Variants in CHLSN observed in about 807,000 individuals in gnomAD.
CHLSN encodes protein cholesin.
the CHLSN span, chr7:1,087,308 A>T: frequency 6.6e-6 from 1 of 152,242 alleles, no homozygotes; most frequent in Non-Finnish European, 1.5e-5. Flanking sequence ...TAACACTCAG[A>T]GAAAACTACC....
the CHLSN span, among the ~76,000 whole-genome samples, chr7:1,136,125 T>TAC: frequency 1.2e-5 from 1 of 82,242 alleles, no homozygotes; most frequent in African/African-American, 4.6e-5. Context: ...CATAAATATA[T>TAC]ATAAATATAT....
the CHLSN span, chr7:1,138,186 T>TACCTGCGCCC: frequency 7.2e-5 from 11 of 151,898 alleles, no homozygotes; most frequent in South Asian, 4.0e-4. Flanking sequence ...CCCACGCGCC[T>TACCTGCGCCC]ACCTGCGCCC....
the CHLSN span, chr7:988,475 C>T: frequency 1.1e-5 from 17 of 1,605,548 alleles, no homozygotes; most frequent in African/African-American, 9.4e-5. Flanking sequence ...AGGGGTGGGA[C>T]GGCCCCAGCT....
the CHLSN span, among the ~76,000 whole-genome samples, chr7:978,451 C>G: frequency 6.6e-6 from 1 of 152,054 alleles, no homozygotes; most frequent in Non-Finnish European, 1.5e-5. Flanking sequence ...CCTGGGAGGT[C>G]GAGGCTGCAG....
chr7:1,020,668 G>A, the CHLSN span, among the ~76,000 whole-genome samples: 1 of 152,206 alleles, frequency 6.6e-6, no homozygotes, highest in Non-Finnish European at 1.5e-5. Context: ...CACCTCCCGA[G>A]CAGGGAGGAC....
chr7:1,064,275 G>A, the CHLSN span, among the ~76,000 whole-genome samples: 1 of 152,192 alleles, frequency 6.6e-6, no homozygotes, highest in Non-Finnish European at 1.5e-5. Flanking sequence ...TGAAGATGGG[G>A]AGACCAGGCC....
At chr7:1,112,347 G>A in the CHLSN span, among the ~76,000 whole-genome samples, 691 of 152,352 alleles carry the variant, frequency 4.5e-3, 6 homozygotes, top group Non-Finnish European at 7.6e-3. Flanking sequence ...GGCCGGCCGG[G>A]AGCCCAGTGC....
the CHLSN span, among the ~76,000 whole-genome samples, chr7:1,080,331 G>A: frequency 2.2e-4 from 34 of 152,256 alleles, no homozygotes; most frequent in Non-Finnish European, 4.0e-4. Context: ...GACACAGACC[G>A]CGGCACAGCC....
chr7:986,592 C>T, the CHLSN span: 1 of 1,610,674 alleles, frequency 6.2e-7, no homozygotes, highest in Admixed American at 1.7e-5. Context: ...GGGGCTGCGT[C>T]CTTATCTCCG....
At chr7:1,000,274 A>G in the CHLSN span, among the ~76,000 whole-genome samples, 779 of 138,366 alleles carry the variant, frequency 5.6e-3, 33 homozygotes, top group African/African-American at 0.021. Context: ...CTCAGCCCCC[A>G]GGAGACGTGC....
At chr7:995,669 C>T in the CHLSN span, among the ~76,000 whole-genome samples, 1 of 152,266 alleles carries the variant, frequency 6.6e-6, no homozygotes, top group Admixed American at 6.5e-5. Flanking sequence ...CAAAGCTGTG[C>T]TGCCAGCAGC....
the CHLSN span, among the ~76,000 whole-genome samples, chr7:992,973 C>T: frequency 2.6e-5 from 4 of 152,158 alleles, no homozygotes; most frequent in Admixed American, 6.5e-5. Context: ...CAGAGTGCAT[C>T]GGGTAGCTCC....
chr7:1,091,577 A>G, the CHLSN span: 5 of 679,302 alleles, frequency 7.4e-6, no homozygotes, highest in Non-Finnish European at 1.0e-5. Context: ...AACCCAAACC[A>G]CCACAGGTGC....
At chr7:984,591 C>T in the CHLSN span, 132 of 1,554,474 alleles carry the variant, frequency 8.5e-5, no homozygotes, top group Non-Finnish European at 1.1e-4. Context: ...GTGTGGCCGG[C>T]GCTACGGGGC....
the CHLSN span, among the ~76,000 whole-genome samples, chr7:1,060,816 C>T: frequency 0.019 from 2,937 of 152,316 alleles, 106 homozygotes; most frequent in East Asian, 0.18. Flanking sequence ...GTAAGGGCCG[C>T]GTCTCTGATG....
chr7:1,081,285 G>T, the CHLSN span, among the ~76,000 whole-genome samples: 1 of 152,240 alleles, frequency 6.6e-6, no homozygotes, highest in African/African-American at 2.4e-5. Context: ...GCCAGGCTGG[G>T]ATTTGAGAGG....
the CHLSN span, among the ~76,000 whole-genome samples, chr7:1,038,390 G>A: frequency 9.3e-4 from 66 of 71,188 alleles, no homozygotes; most frequent in African/African-American, 1.6e-3. Context: ...GGAAGTGAGG[G>A]GCCCCTCAGC....
chr7:1,025,451 G>A, the CHLSN span: 1 of 152,456 alleles, frequency 6.6e-6, no homozygotes. Context: ...CTGGCGGTGG[G>A]TGACGAGGTG....
At chr7:1,046,830 G>C in the CHLSN span, among the ~76,000 whole-genome samples, 14 of 152,186 alleles carry the variant, frequency 9.2e-5, 1 homozygote, top group Admixed American at 8.5e-4. Flanking sequence ...GACCACTGTC[G>C]CTACCACAGC....
Sources: gnomAD v4.1 joint callset for allele counts (sites outside exome capture counted in the v4.1 genomes callset) on GRCh38, gnomAD v4.1.1 for gene constraint, MANE v1.5 for transcripts, NCBI Gene and HGNC (gene_info 2026-07-23, HGNC 2026-07-21) for gene names.